PPFIA4: variants seen among roughly 807,000 people sequenced by gnomAD.
PPFIA4 encodes liprin-alpha-4.
A neutral mutation model predicts 145.7 loss-of-function variants in PPFIA4; 98 were observed. The observed-to-expected ratio is 0.67, with a 90% CI of 0.57 to 0.80. The LOEUF is 0.80. PPFIA4 is among the 30% of genes least tolerant of loss of function. The pLI, the probability that PPFIA4 is intolerant of heterozygous loss-of-function variation, is 0.00. For synonymous variants in PPFIA4, 628 were observed against 649.6 expected (o/e 0.97, Z 0.51); for missense variants, 1,457 against 1,632.7 (o/e 0.89, Z 1.85).
At position 203,064,009 on chromosome 1, in the gene PPFIA4, C is replaced by T. The variant is rs781497192; in HGVS notation, c.3050+6C>T. ...ATGGTGGACAGCTTCCATCGGTGAG[C>T]GCGGCTGGGACCCAGGGCCACCTCC... On this transcript the variant is annotated splice_donor_region_variant and intron_variant, in intron 25 of 29. Coordinates refer to ENST00000295706, the MANE Select transcript of PPFIA4 (RefSeq NM_001304331.2). The T allele has an allele frequency of 4.8e-5, 78 of 1,608,384 alleles. No homozygotes were observed. The highest frequency in any genetic ancestry group is 2.0e-4 in the Middle Eastern group (1 of 4,998).
Position 203,068,346 on chromosome 1 carries a change from C to A in PPFIA4, c.3149-107C>A. 1 of 952,318 alleles carries A rather than the reference C, an allele frequency of 1.1e-6. No individual in the cohort carries two copies. The highest frequency in any genetic ancestry group is 1.5e-6 in the Non-Finnish European group (1 of 666,648). 59.0% of individuals were successfully genotyped at this position (952,318 alleles called of 1,614,324 possible). ...TAGGGATGGAGTGGGGGTCAGAGAG[C>A]AGGGTGGACTGCGGCTCTGGGTTTA... On this transcript the variant is annotated intron_variant, in intron 26 of 29. Coordinates refer to ENST00000295706, the MANE Select transcript of PPFIA4 (RefSeq NM_001304331.2). The surrounding 1 kb of genome is among the most constrained non-coding windows in gnomAD (Gnocchi z 4.7).
intron 19 of PPFIA4, among the ~76,000 whole-genome samples, chr1:203,057,547 T>C (rs909353235): frequency 1.3e-5 from 2 of 152,240 alleles, no homozygotes; most frequent in African/African-American, 2.4e-5. Context: ...CTTCTATTTC[T>C]TCTTTTCTCT....
chr1:203,062,213 G>T (rs1661417066), intron 24 of PPFIA4, among the ~76,000 whole-genome samples: 1 of 151,464 alleles, frequency 6.6e-6, no homozygotes, highest in African/African-American at 2.4e-5. Flanking sequence ...CGCGGTGGCT[G>T]ACACCTGTAA....
chr1:203,034,690 G>A lies in PPFIA4; in HGVS notation c.-399-3920G>A, dbSNP rs566335127. On this transcript the variant is annotated intron_variant, in intron 1 of 29. Coordinates refer to ENST00000295706, the MANE Select transcript of PPFIA4 (RefSeq NM_001304331.2). ...TCACCCATGGCCTCATGACCATGTT[G>A]GCTGCTCTGCAGAGGCCTTCCCCAG... The A allele has an allele frequency of 3.5e-5, 16 of 456,662 alleles. No individual in the cohort carries two copies. The East Asian group carries it at 7.0e-4, about 20-fold the overall frequency. 28.3% of individuals were successfully genotyped at this position (456,662 alleles called of 1,614,324 possible).
At position 203,051,762 on chromosome 1, in the gene PPFIA4, G is replaced by A. The variant is rs756867915; in HGVS notation, c.1512-7G>A. 14 of 1,607,976 alleles carry A rather than the reference G, an allele frequency of 8.7e-6. 1 individual carries two copies. Among genetic ancestry groups the A allele is most frequent in the Middle Eastern group, 1.6e-4 (1 of 6,078 alleles). On this transcript the variant is annotated splice_region_variant and splice_polypyrimidine_tract_variant and intron_variant, in intron 13 of 29. Transcript: ENST00000295706. ...CCTGTCTTTTCTCTCCCCCATCACCGCTCAAGGTCGCACATGGGCAGTGCA... is the reference window on the plus strand; with the variant it reads ...CCTGTCTTTTCTCTCCCCCATCACCACTCAAGGTCGCACATGGGCAGTGCA...
At chr1:203,058,124 GA>G (rs1661102993) in intron 19 of PPFIA4, among the ~76,000 whole-genome samples, 1 of 152,140 alleles carries the variant, frequency 6.6e-6, no homozygotes, top group African/African-American at 2.4e-5. Context: ...TAGAATAAAG[GA>G]ACCTTTGGAC....
At position 203,059,183 on chromosome 1, in the gene PPFIA4, C is replaced by T; in HGVS notation, c.2413C>T (p.Leu805=). The change falls in exon 20 of 30, where the codon CTA becomes TTA. Residue 805 remains leucine (L), a synonymous_variant. Transcript: ENST00000295706. The part of the protein sequence containing the change: ...SRDGATGHVL[L]TDSEFSMQEP... Reference sequence around the variant, plus strand: ...ACACATCTCTTTCCTTGTAGTTCTGCTAACAGACTCCGAATTCAGTATGCA... The same window carrying T: ...ACACATCTCTTTCCTTGTAGTTCTGTTAACAGACTCCGAATTCAGTATGCA... 1 of 1,520,034 alleles carries T rather than the reference C, an allele frequency of 6.6e-7. No individual in the cohort carries two copies. The highest frequency in any genetic ancestry group is 1.2e-5 in the South Asian group (1 of 83,826). 94.2% of individuals were successfully genotyped at this position (1,520,034 alleles called of 1,614,324 possible). A position where few individuals can be genotyped will look rare whatever the true frequency, so the allele number is the denominator to read the frequency against.
Position 203,055,711 on chromosome 1 carries a change from C to G in PPFIA4, c.2070+39C>G, listed in dbSNP as rs1187644203. The G allele has an allele frequency of 6.2e-7, 1 of 1,608,368 alleles. No homozygotes were observed. The highest frequency in any genetic ancestry group is 1.7e-5 in the Admixed American group (1 of 59,906). On this transcript the variant is annotated intron_variant, in intron 16 of 29. Coordinates refer to ENST00000295706, the MANE Select transcript of PPFIA4 (RefSeq NM_001304331.2). The surrounding 1 kb of genome is among the most constrained non-coding windows in gnomAD (Gnocchi z 4.8). Reference sequence around the variant, plus strand: ...GAGGAGCAGGCCTGGCATCACTGGACCCTGCACCGGGGGAGGTTTTAAGGG... The same window carrying G: ...GAGGAGCAGGCCTGGCATCACTGGAGCCTGCACCGGGGGAGGTTTTAAGGG...
intron 2 of PPFIA4, 113 bp downstream of exon 2, chr1:203,039,355 A>C: frequency 1.3e-6 from 1 of 773,074 alleles, no homozygotes; most frequent in East Asian, 2.9e-5. Flanking sequence ...ATTGGAATTC[A>C]CTGAGCATTT....
rs945151941 is a variant in PPFIA4, at chr1:203,048,545, T to C, written c.1225-38T>C. ...CCCAGCAGGAGAGGGTGGTCCTCCC[T>C]GGGAGGGCGGCCTGGTGCGAGGCAG... On this transcript the variant is annotated intron_variant, in intron 10 of 29. Transcript: ENST00000295706. The surrounding 1 kb of genome is among the most constrained non-coding windows in gnomAD (Gnocchi z 5.8). 6.4e-7 allele frequency: 1 copy of C among 1,557,154 alleles called. No individual in the cohort carries two copies. The highest frequency in any genetic ancestry group is 8.7e-7 in the Non-Finnish European group (1 of 1,151,276).
Position 203,044,375 on chromosome 1 carries a change from G to A in PPFIA4, c.502-4G>A, listed in dbSNP as rs778348502. On this transcript the variant is annotated splice_region_variant and splice_polypyrimidine_tract_variant and intron_variant, in intron 4 of 29. Transcript: ENST00000295706. Reference sequence around the variant, plus strand: ...CTTCCTCCATCTCCCCTTACCTCGAGCAGGTGCGAGAGCGGCTCCGGGCAG... The same window carrying A: ...CTTCCTCCATCTCCCCTTACCTCGAACAGGTGCGAGAGCGGCTCCGGGCAG... 2.6e-6 allele frequency: 4 copies of A among 1,551,222 alleles called. No homozygotes were observed. The South Asian group carries it at 4.8e-5, about 18-fold the overall frequency.
In PPFIA4 at chr1:203,048,175, G is replaced by C. The variant is rs560322094; in HGVS notation, c.1141-52G>C. 12 of 1,579,682 alleles carry C rather than the reference G, an allele frequency of 7.6e-6. No individual in the cohort carries two copies. In the East Asian group the frequency reaches 2.3e-4, roughly 30 times the overall value. ...CCAGGGTGCAGGGGATGCGGGGCCTGAGCAGGAAGAACAGAGATCTGCGGG... is the reference window on the plus strand; with the variant it reads ...CCAGGGTGCAGGGGATGCGGGGCCTCAGCAGGAAGAACAGAGATCTGCGGG... On this transcript the variant is annotated intron_variant, in intron 9 of 29. Coordinates refer to ENST00000295706, the MANE Select transcript of PPFIA4 (RefSeq NM_001304331.2). The surrounding 1 kb of genome is among the most constrained non-coding windows in gnomAD (Gnocchi z 5.8).
At chr1:203,044,149 C>A in intron 4 of PPFIA4, 54 bp downstream of exon 4, 1 of 1,500,506 alleles carries the variant, frequency 6.7e-7, no homozygotes, top group Non-Finnish European at 8.9e-7. Context: ...TGGAGCCTCC[C>A]ATGTATCCCT....
intron 1 of PPFIA4, among the ~76,000 whole-genome samples, chr1:203,031,705 A>G (rs1658844672): frequency 6.6e-6 from 1 of 152,242 alleles, no homozygotes; most frequent in Admixed American, 6.5e-5. Context: ...TATTTGTCCC[A>G]CATGGATCCC....
chr1:203,044,592 T>C (rs924443936), intron 5 of PPFIA4, 104 bp from the exon 6 acceptor site: 11 of 1,398,160 alleles, frequency 7.9e-6, no homozygotes, highest in South Asian at 4.2e-5. Context: ...AGCACCTCTT[T>C]CTAGGAGACA....
Position 203,043,491 on chromosome 1 carries a change from A to G in PPFIA4, c.329A>G (p.Asn110Ser). Residue 110 changes from asparagine to serine, a missense_variant, in exon 3 of 30, where the codon AAC (asparagine) becomes AGC (serine). Coordinates refer to ENST00000295706, the MANE Select transcript of PPFIA4 (RefSeq NM_001304331.2). This position sits in a 1 kb window ranked among gnomAD's most constrained non-coding sequence, Gnocchi z 4.4. Reference protein sequence around the residue: ...EISELKAERNNTRLLLEHLEC... With the variant: ...EISELKAERNSTRLLLEHLEC... ...TCAGAACTGAAAGCAGAACGGAATAACACACGGGTAAGTGGGGATGACCTT... is the reference window on the plus strand; with the variant it reads ...TCAGAACTGAAAGCAGAACGGAATAGCACACGGGTAAGTGGGGATGACCTT... The G allele has an allele frequency of 6.2e-7, 1 of 1,607,246 alleles. No individual in the cohort carries two copies. The highest frequency in any genetic ancestry group is 8.5e-7 in the Non-Finnish European group (1 of 1,177,142).
chr1:203,059,986 A>G, intron 21 of PPFIA4, 135 bp downstream of exon 21: 1 of 825,706 alleles, frequency 1.2e-6, no homozygotes, highest in East Asian at 2.7e-5. Context: ...CCTAGCATTT[A>G]GCCCCCCTCC....
chr1:203,036,600 G>C (rs11586088), intron 1 of PPFIA4, among the ~76,000 whole-genome samples: 78,690 of 152,088 alleles, frequency 0.52, 21,412 homozygotes, highest in Non-Finnish European at 0.59. Flanking sequence ...TGAGCTTGGG[G>C]GGGTAGGCTG....
At chr1:203,069,170 T>G (rs1661953384) in intron 27 of PPFIA4, among the ~76,000 whole-genome samples, 1 of 152,242 alleles carries the variant, frequency 6.6e-6, no homozygotes, top group Non-Finnish European at 1.5e-5. Context: ...TGATTAAACA[T>G]CTCATGAAAT....
Sources: allele counts gnomAD v4.1 joint callset (sites outside exome capture counted in the v4.1 genomes callset), GRCh38; gene constraint gnomAD v4.1.1; non-coding constraint Gnocchi (gnomAD v3.1); transcripts MANE v1.5; gene names NCBI Gene and HGNC (gene_info 2026-07-23, HGNC 2026-07-21).